TMEM135: variants seen among roughly 807,000 people sequenced by gnomAD.
The protein encoded by TMEM135 is transmembrane protein 135.
A neutral mutation model predicts 60.3 loss-of-function variants in TMEM135; 30 were observed. That is an observed-to-expected ratio of 0.50 (90% CI 0.37 to 0.68). The LOEUF is 0.68. Ranked by LOEUF, TMEM135 falls within the 30% of genes least tolerant of loss-of-function variation. TMEM135 has a pLI of 0.00. For missense variants in TMEM135, 468 were observed against 548.8 expected, an observed-to-expected ratio of 0.85 and a Z score of 1.47; for synonymous variants, 190 against 186.7, an observed-to-expected ratio of 1.02 and a Z score of -0.14.
chr11:87,167,750 G>T (rs1473503389), intron 5 of TMEM135, among the ~76,000 whole-genome samples: 1 of 152,154 alleles, frequency 6.6e-6, no homozygotes, highest in Non-Finnish European at 1.5e-5. Context: ...GTTCATCAGG[G>T]ATATTGGCCT....
intron 6 of TMEM135, among the ~76,000 whole-genome samples, chr11:87,291,142 C>G (rs972819597): frequency 4.6e-5 from 7 of 152,210 alleles, no homozygotes; most frequent in Non-Finnish European, 1.0e-4. Context: ...AGACCTCTCC[C>G]TTAATCCTCA....
At chr11:87,051,117 C>T (rs1231030210) in intron 1 of TMEM135, among the ~76,000 whole-genome samples, 3 of 77,592 alleles carry the variant, frequency 3.9e-5, no homozygotes, top group East Asian at 6.2e-4. Flanking sequence ...ATTCAACAAC[C>T]CTTCATGCTA....
At chr11:87,303,472 C>G (rs368037968) in intron 8 of TMEM135, among the ~76,000 whole-genome samples, 1 of 152,170 alleles carries the variant, frequency 6.6e-6, no homozygotes, top group East Asian at 1.9e-4. Flanking sequence ...ACCTATGTTT[C>G]ACTCTTATTT....
chr11:87,310,895 A>G (rs574728633), intron 10 of TMEM135, among the ~76,000 whole-genome samples: 53 of 152,186 alleles, frequency 3.5e-4, no homozygotes, highest in Non-Finnish European at 6.9e-4. Flanking sequence ...TTGTAGGAAC[A>G]TGCAGCAGGC....
chr11:87,150,550 C>T (rs747381864), intron 4 of TMEM135, among the ~76,000 whole-genome samples: 16 of 152,188 alleles, frequency 1.1e-4, no homozygotes, highest in African/African-American at 2.9e-4. Flanking sequence ...ATATTCTGTT[C>T]AAACTGTGTA....
intron 1 of TMEM135, among the ~76,000 whole-genome samples, chr11:87,065,058 T>C (rs1283091274): frequency 6.6e-6 from 1 of 152,200 alleles, no homozygotes; most frequent in East Asian, 1.9e-4. Flanking sequence ...TTTCATGTCA[T>C]GGCTATATCA....
At chr11:87,270,479 A>C (rs925410939) in intron 6 of TMEM135, among the ~76,000 whole-genome samples, 1 of 152,174 alleles carries the variant, frequency 6.6e-6, no homozygotes, top group Admixed American at 6.5e-5. Flanking sequence ...CTACTTTAAG[A>C]ATTTTAATTA....
intron 5 of TMEM135, among the ~76,000 whole-genome samples, chr11:87,189,758 GAA>G (rs796303818): frequency 5.2e-5 from 6 of 115,530 alleles, no homozygotes; most frequent in East Asian, 2.5e-4. Flanking sequence ...CGTCTCCACA[GAA>G]AAAAAAAAAA....
rs571062300 is a variant in TMEM135 at position 87,141,466 on chromosome 11, C to G, written c.397-15875C>G. Among the ~76,000 whole-genome samples the G allele has an allele frequency of 3.9e-5, 6 of 152,202 alleles. No homozygotes were observed. The East Asian group carries it at 1.2e-3, about 29-fold the overall frequency. On this transcript the variant is annotated intron_variant, in intron 4 of 14. Coordinates refer to ENST00000305494, the MANE Select transcript of TMEM135 (RefSeq NM_022918.4). ...GAGTTTGCTAAACTTATGACTAGAT[C>G]ACTTTCTTATACATTTCTTAGGATT...
intron 6 of TMEM135, among the ~76,000 whole-genome samples, chr11:87,244,949 T>A (rs2135383303): frequency 6.6e-6 from 1 of 151,826 alleles, no homozygotes; most frequent in East Asian, 1.9e-4. Context: ...TGTTCGGGTG[T>A]CAATTTTGGA....
intron 6 of TMEM135, among the ~76,000 whole-genome samples, chr11:87,274,419 T>C (rs1345238234): frequency 6.6e-6 from 1 of 152,194 alleles, no homozygotes; most frequent in Admixed American, 6.5e-5. Flanking sequence ...TTTCTGCTTA[T>C]AAGCTCCTTA....
At chr11:87,275,684 G>T (rs561352230) in intron 6 of TMEM135, among the ~76,000 whole-genome samples, 3 of 151,960 alleles carry the variant, frequency 2.0e-5, no homozygotes, top group Admixed American at 2.0e-4. Flanking sequence ...TTTTGAGATG[G>T]AGTTTCACTC....
intron 5 of TMEM135, among the ~76,000 whole-genome samples, chr11:87,200,818 T>G (rs1320078340): frequency 6.6e-6 from 1 of 152,202 alleles, no homozygotes; most frequent in East Asian, 1.9e-4. Context: ...ATCTTTTCAC[T>G]GTCTTCATAT....
chr11:87,244,771 A>T (rs61905654), intron 6 of TMEM135, among the ~76,000 whole-genome samples: 94,544 of 145,098 alleles, frequency 0.65, 31,487 homozygotes, highest in Non-Finnish European at 0.7. Context: ...CTAGCGGTCT[A>T]TCAATTTTTT....
chr11:87,044,946 CG>C (rs1358815520), intron 1 of TMEM135, among the ~76,000 whole-genome samples: 1 of 149,964 alleles, frequency 6.7e-6, no homozygotes. Flanking sequence ...CACGCCCGGC[CG>C]TCATGTGGTC....
At chr11:87,203,339 A>G (rs1393790564) in intron 5 of TMEM135, among the ~76,000 whole-genome samples, 1 of 152,030 alleles carries the variant, frequency 6.6e-6, no homozygotes, top group Admixed American at 6.6e-5. Context: ...TCCCTCAAAA[A>G]TCCTCTGTGC....
intron 2 of TMEM135, among the ~76,000 whole-genome samples, chr11:87,068,231 A>G (rs1856704845): frequency 1.3e-5 from 2 of 152,172 alleles, no homozygotes; most frequent in Admixed American, 6.5e-5. Flanking sequence ...TATTTGTAAA[A>G]CAGTAAGTTA....
intron 9 of TMEM135, among the ~76,000 whole-genome samples, chr11:87,308,571 A>G (rs111731853): frequency 9.9e-5 from 15 of 152,240 alleles, no homozygotes; most frequent in Admixed American, 7.9e-4. Context: ...ATACACTGCT[A>G]TGAGTGTAGA....
At chr11:87,098,419 A>T (rs988383611) in intron 4 of TMEM135, among the ~76,000 whole-genome samples, 1 of 152,098 alleles carries the variant, frequency 6.6e-6, no homozygotes, top group African/African-American at 2.4e-5. Flanking sequence ...TGTATTTTAG[A>T]TTAAAAGATA....
Sources: allele counts gnomAD v4.1 joint callset (sites outside exome capture counted in the v4.1 genomes callset), GRCh38; gene constraint gnomAD v4.1.1; transcripts MANE v1.5; gene names NCBI Gene and HGNC (gene_info 2026-07-23, HGNC 2026-07-21).